The following MROH7 variants were observed in gnomAD, a reference collection of about 807,000 sequenced individuals.
MROH7 encodes the protein maestro heat like repeat family member 7, also known as maestro heat-like repeat-containing protein family member 7.
A neutral mutation model predicts 129.2 loss-of-function variants in MROH7; 113 were observed. The observed-to-expected ratio is 0.87, with a 90% CI of 0.75 to 1.02. The LOEUF (loss-of-function observed/expected upper bound fraction) is 1.02, where lower values mean the gene tolerates loss of function less well. MROH7 is among the 50% of genes least tolerant of loss of function. The pLI is 0.00. For missense variants in MROH7, 1,601 were observed against 1,671.3 expected, an observed-to-expected ratio of 0.96 and a Z score of 0.73; for synonymous variants, 655 against 667.9, an observed-to-expected ratio of 0.98 and a Z score of 0.30.
Position 54,653,107 on chromosome 1 carries a change from C to G in MROH7, c.181C>G (p.Leu61Val). ...TCCTGGCTTGGCTCTCGTTCCAGAT[C>G]TTAATGATTCTTTGAGTCCAGTCTC... is the stretch of plus-strand genomic sequence containing the variant. ...PSPGLALVPD[L>V]NDSLSPVSGE... Residue 61 changes from leucine to valine, a missense_variant, in exon 3 of 24, where the codon CTT becomes GTT. Coordinates refer to ENST00000421030, the MANE Select transcript of MROH7 (RefSeq NM_001039464.4). The G allele has an allele frequency of 6.2e-7, 1 of 1,614,190 alleles. No individual in the cohort carries two copies. The highest frequency in any genetic ancestry group is 8.5e-7 in the Non-Finnish European group (1 of 1,180,036).
intron 10 of MROH7, among the ~76,000 whole-genome samples, chr1:54,675,539 A>G (rs1644966854): frequency 6.6e-6 from 1 of 151,676 alleles, no homozygotes; most frequent in Admixed American, 6.6e-5. Context: ...AGCCATGTTA[A>G]TAACCAGCTT....
chr1:54,707,490 A>C (rs1645553316), intron 22 of MROH7, among the ~76,000 whole-genome samples: 1 of 152,226 alleles, frequency 6.6e-6, no homozygotes, highest in Admixed American at 6.5e-5. Flanking sequence ...GGTGATGCTG[A>C]TGAAGGTGTG....
At chr1:54,670,367 A>T (rs1644877812) in intron 5 of MROH7, 130 bp from the exon 6 acceptor site, 3 of 678,130 alleles carry the variant, frequency 4.4e-6, no homozygotes, top group Non-Finnish European at 2.6e-6. Context: ...TTACTTGGGA[A>T]GCTGAGGCGG....
At chr1:54,696,488 C>T (rs1645324115) in intron 17 of MROH7, among the ~76,000 whole-genome samples, 1 of 152,016 alleles carries the variant, frequency 6.6e-6, no homozygotes, top group Admixed American at 6.6e-5. Context: ...CGTTCCATTC[C>T]CTCAGCCCCT....
rs1265352828 is a variant in MROH7, at chr1:54,673,845, A to G, written c.1800+40A>G. 3.2e-6 allele frequency: 5 copies of G among 1,575,750 alleles called. No homozygotes were observed. In the African/African-American group the frequency reaches 6.7e-5, roughly 21 times the overall value. On this transcript the variant is annotated intron_variant, in intron 9 of 23. Coordinates refer to ENST00000421030, the MANE Select transcript of MROH7 (RefSeq NM_001039464.4). ...GGAGGGGTGGACACTCTTAGGGAAA[A>G]TCTTCCCACTTCTGAAGGAGCCCGT...
At chr1:54,688,700 G>A (rs1438575011) in intron 15 of MROH7, among the ~76,000 whole-genome samples, 1 of 152,194 alleles carries the variant, frequency 6.6e-6, no homozygotes, top group Non-Finnish European at 1.5e-5. Flanking sequence ...CCATTTGCCC[G>A]CAGTGCGGCC....
intron 4 of MROH7, among the ~76,000 whole-genome samples, chr1:54,666,142 C>T (rs1165872929): frequency 2.0e-5 from 3 of 152,232 alleles, no homozygotes; most frequent in African/African-American, 2.4e-5. Context: ...TGCACAGCAC[C>T]TACCATGGCG....
chr1:54,662,289 A>G (rs1164587697), intron 3 of MROH7, among the ~76,000 whole-genome samples: 2 of 152,116 alleles, frequency 1.3e-5, no homozygotes, highest in African/African-American at 4.8e-5. Flanking sequence ...TAATCCCAGC[A>G]CTTTTGGAGG....
intron 3 of MROH7, among the ~76,000 whole-genome samples, chr1:54,661,573 A>ATTGTTTGT (rs776144080): frequency 6.3e-4 from 77 of 122,396 alleles, no homozygotes; most frequent in Admixed American, 2.3e-3. Flanking sequence ...ACTTAAAAAT[A>ATTGTTTGT]TTATTTGTTT....
At chr1:54,699,151 TTTCTTTCTTTTC>T (rs1281318624) in intron 17 of MROH7, 233 of 71,030 alleles carry the variant, frequency 3.3e-3, no homozygotes, top group Middle Eastern at 7.1e-3. Flanking sequence ...TCTTTCTTTC[TTTCTTTCTTTTC>T]TTTCTTTCTT....
chr1:54,680,728 A>G (rs1047805491), intron 13 of MROH7, among the ~76,000 whole-genome samples: 8 of 152,056 alleles, frequency 5.3e-5, no homozygotes, highest in African/African-American at 1.7e-4. Context: ...GCTTTCTTTG[A>G]ATGAGTAAAA....
chr1:54,675,018 C>T (rs943358600), intron 10 of MROH7, among the ~76,000 whole-genome samples: 3 of 152,134 alleles, frequency 2.0e-5, no homozygotes, highest in Non-Finnish European at 2.9e-5. Flanking sequence ...CTTTGTTGCC[C>T]AGGCTGGAGT....
At chr1:54,648,414 A>G (rs1235794943) in intron 1 of MROH7, among the ~76,000 whole-genome samples, 4 of 151,344 alleles carry the variant, frequency 2.6e-5, no homozygotes, top group African/African-American at 9.7e-5. Context: ...TGCCCAGGCT[A>G]GAGTGCAGTG....
At chr1:54,663,312 GACTCCCC>G (rs1002035862) in intron 3 of MROH7, among the ~76,000 whole-genome samples, 8 of 151,852 alleles carry the variant, frequency 5.3e-5, no homozygotes, top group African/African-American at 1.9e-4. Context: ...TTGATCAGTG[GACTCCCC>G]TTCAAGCAAA....
intron 13 of MROH7, among the ~76,000 whole-genome samples, chr1:54,681,884 C>T (rs2101136621): frequency 6.6e-6 from 1 of 152,270 alleles, no homozygotes; most frequent in South Asian, 2.1e-4. Context: ...GACTCTGCAG[C>T]TCATTAGCTG....
chr1:54,696,444 A>G (rs1332376166), intron 17 of MROH7, among the ~76,000 whole-genome samples: 7 of 152,084 alleles, frequency 4.6e-5, no homozygotes, highest in Non-Finnish European at 1.0e-4. Context: ...ATCTTTCACT[A>G]CTGAAACTCA....
intron 3 of MROH7, among the ~76,000 whole-genome samples, chr1:54,656,257 A>G (rs1456426613): frequency 5.4e-5 from 8 of 149,128 alleles, no homozygotes; most frequent in East Asian, 4.2e-4. Flanking sequence ...CACGCCTGTA[A>G]TCCCAGCACT....
At position 54,643,094 on chromosome 1, in the gene MROH7, C is replaced by G. The variant is rs539613869; in HGVS notation, c.-110+1126C>G. Among the ~76,000 whole-genome samples the G allele has an allele frequency of 3.0e-4, 46 of 152,260 alleles. 1 individual carries two copies. Among genetic ancestry groups the G allele is most frequent in the African/African-American group, 1.1e-3 (46 of 41,546 alleles). ...TGGGAAAATAGGGGTAACAAGATAG[C>G]CAGACACTCACCAAACTCATTTTCA... On this transcript the variant is annotated intron_variant, in intron 1 of 23. Transcript: ENST00000421030.
chr1:54,669,421 CAG>C (rs1257651327), intron 5 of MROH7, among the ~76,000 whole-genome samples: 1 of 152,186 alleles, frequency 6.6e-6, no homozygotes, highest in African/African-American at 2.4e-5. Flanking sequence ...GTGTACTTTA[CAG>C]AGACAACCAA....
Sources: gnomAD v4.1 joint callset for allele counts (sites outside exome capture counted in the v4.1 genomes callset) on GRCh38, gnomAD v4.1.1 for gene constraint, MANE v1.5 for transcripts, NCBI Gene and HGNC (gene_info 2026-07-23, HGNC 2026-07-21) for gene names.